Variants in HYOU1 observed in about 807,000 individuals in gnomAD.
HYOU1 encodes hypoxia up-regulated protein 1.
HYOU1 carries 40 observed loss-of-function variants against 120.5 expected under a neutral mutation model. The ratio of observed to expected loss-of-function variants is 0.33; its 90% CI spans 0.26 to 0.43. The LOEUF (loss-of-function observed/expected upper bound fraction) is 0.43. HYOU1 is among the 20% of genes least tolerant of loss of function. HYOU1 has a pLI of 1.00. For synonymous variants in HYOU1, 501 were observed against 479.4 expected (o/e 1.05, Z -0.59); for missense variants, 1,085 against 1,278.3 (o/e 0.85, Z 2.31).
intron 6 of HYOU1, 46 bp from the exon 7 acceptor site, chr11:119,054,721 A>G (rs1203719717): frequency 6.3e-7 from 1 of 1,575,318 alleles, no homozygotes; most frequent in African/African-American, 1.3e-5. Context: ...CATACCTTAG[A>G]TGAGGGCTTC....
chr11:119,055,698 T>C lies in HYOU1; in HGVS notation c.185+52A>G. 10 of 1,540,584 alleles carry C rather than the reference T, an allele frequency of 6.5e-6. No homozygotes were observed. Among genetic ancestry groups the C allele is most frequent in the Non-Finnish European group, 9.0e-6 (10 of 1,112,908 alleles). ...GGCACTATGACTAACACATTCACAC[T>C]TGGAGCCCAGACTCCCTCGTTCCCC... On this transcript the variant is annotated intron_variant, in intron 3 of 25. Transcript: ENST00000617285. The surrounding 1 kb of genome is among the most constrained non-coding windows in gnomAD (Gnocchi z 4.0).
rs2133588394 is a variant in HYOU1, at chr11:119,051,855, T to C, written c.1302A>G (p.Pro434=). 6.2e-7 allele frequency: 1 copy of C among 1,614,080 alleles called. No individual in the cohort carries two copies. Among genetic ancestry groups the C allele is most frequent in the Non-Finnish European group, 8.5e-7 (1 of 1,179,990 alleles). The change falls in exon 12 of 26, where the codon CCA becomes CCG. Residue 434 remains proline (P), a synonymous_variant. Transcript: ENST00000617285. The surrounding 1 kb of genome is among the most constrained non-coding windows in gnomAD (Gnocchi z 4.2). ...AGACCACTGCATCTCGGACGACAAA[T>C]GGCTTCACTTTAAAGGCTTTGCTGA... is the stretch of plus-strand genomic sequence containing the variant. ...AALSKAFKVK[P]FVVRDAVVYP... is the part of the protein sequence containing the mutation.
rs2133544949 is a variant in HYOU1, at chr11:119,045,799, A to G, written c.2920T>C (p.Leu974=). 2 of 1,611,900 alleles carry G rather than the reference A, an allele frequency of 1.2e-6. No individual in the cohort carries two copies. Among genetic ancestry groups the G allele is most frequent in the South Asian group, 2.2e-5 (2 of 90,898 alleles). The change falls in exon 25 of 26, where the codon TTA becomes CTA. Residue 974 remains leucine (L), a synonymous_variant. Transcript: ENST00000617285. ...TCCTCACCTGCTCCAGGACCTCCTA[A>G]CTCCAAAGGCTCAGTGTCTCCTGGC... is the stretch of plus-strand genomic sequence containing the variant. ...SEPGDTEPLE[L]GGPGAEPEQK...
At position 119,045,128 on chromosome 11, in the gene HYOU1, T is replaced by A. The variant is rs1361247065; in HGVS notation, c.*465A>T. ...CAGATAGGCACTCAGAAACCAAACC[T>A]GGTAACTGAGGCTCTGCAGACACTG... On this transcript the variant is annotated 3_prime_UTR_variant, in exon 26 of 26. Transcript: ENST00000617285. 10 of 456,004 alleles carry A rather than the reference T, an allele frequency of 2.2e-5. No individual in the cohort carries two copies. The highest frequency in any genetic ancestry group is 4.0e-5 in the Non-Finnish European group (9 of 226,774). 28.2% of individuals were successfully genotyped at this position (456,004 alleles called of 1,614,324 possible).
intron 2 of HYOU1, 21 bp downstream of exon 2, chr11:119,056,049 T>C (rs1944734953): frequency 6.2e-7 from 1 of 1,601,618 alleles, no homozygotes; most frequent in African/African-American, 1.3e-5. Context: ...ATCCATTTGC[T>C]CCCTCTACTG....
rs1377125040 is a variant in HYOU1 at position 119,052,005 on chromosome 11, T to C, written c.1206-54A>G. 4.3e-6 allele frequency: 7 copies of C among 1,613,054 alleles called. No homozygotes were observed. The Admixed American group carries it at 5.0e-5, about 12-fold the overall frequency. On this transcript the variant is annotated intron_variant, in intron 11 of 25. Coordinates refer to ENST00000617285, the MANE Select transcript of HYOU1 (RefSeq NM_006389.5). The surrounding 1 kb of genome is among the most constrained non-coding windows in gnomAD (Gnocchi z 5.0). Reference sequence around the variant, plus strand: ...CTACCCTGGAGCATGCAACCGGGACTTCCCTCCCCTCAGCCCTCCAGCTGC... The same window carrying C: ...CTACCCTGGAGCATGCAACCGGGACCTCCCTCCCCTCAGCCCTCCAGCTGC...
Position 119,048,116 on chromosome 11 carries a change from G to T in HYOU1, c.2377-36C>A. ...TGCGATTGGGCAGAGGGGTGGAAGG[G>T]ACGACAGCAGAGCCTGGAGTCAGCC... On this transcript the variant is annotated intron_variant, in intron 20 of 25. Transcript: ENST00000617285. The surrounding 1 kb of genome is among the most constrained non-coding windows in gnomAD (Gnocchi z 4.7). 1.2e-6 allele frequency: 2 copies of T among 1,613,282 alleles called. No individual in the cohort carries two copies. The highest frequency in any genetic ancestry group is 1.7e-6 in the Non-Finnish European group (2 of 1,180,028).
At position 119,051,400 on chromosome 11, in the gene HYOU1, C is replaced by G. The variant is rs114743931; in HGVS notation, c.1526+38G>C. ...AGATTATCCAGCAGCCACGCCTCCC[C>G]CTCCCTGGAGCTCCCATCCTACACC... On this transcript the variant is annotated intron_variant, in intron 13 of 25. Transcript: ENST00000617285. The surrounding 1 kb of genome is among the most constrained non-coding windows in gnomAD (Gnocchi z 4.2). 23 of 1,604,664 alleles carry G rather than the reference C, an allele frequency of 1.4e-5. 1 individual carries two copies. In the East Asian group the frequency reaches 3.6e-4, roughly 25 times the overall value.
rs2133591179 is a variant in HYOU1 at position 119,052,201 on chromosome 11, C to G, written c.1123-29G>C. The G allele has an allele frequency of 6.2e-7, 1 of 1,613,866 alleles. No individual in the cohort carries two copies. The highest frequency in any genetic ancestry group is 1.1e-5 in the South Asian group (1 of 91,084). On this transcript the variant is annotated intron_variant, in intron 10 of 25. Transcript: ENST00000617285. This position sits in a 1 kb window ranked among gnomAD's most constrained non-coding sequence, Gnocchi z 5.0. ...CAGTGGGTAAGAATGACAGGTGCAA[C>G]AGCATGCAGTTAGCACTGACTCGTC... is the stretch of plus-strand genomic sequence containing the variant.
rs200570137 is a variant in HYOU1, at chr11:119,052,000, G to A, written c.1206-49C>T. On this transcript the variant is annotated intron_variant, in intron 11 of 25. Coordinates refer to ENST00000617285, the MANE Select transcript of HYOU1 (RefSeq NM_006389.5). The surrounding 1 kb of genome is among the most constrained non-coding windows in gnomAD (Gnocchi z 4.2). ...ACGGTCTACCCTGGAGCATGCAACC[G>A]GGACTTCCCTCCCCTCAGCCCTCCA... 1.0e-3 allele frequency: 1,625 copies of A among 1,613,080 alleles called. 3 individuals carry two copies. The highest frequency in any genetic ancestry group is 9.7e-4 in the Admixed American group (58 of 59,996).
rs1944694573 is a variant in HYOU1, at chr11:119,055,397, CT to C, written c.265-59del. 2.5e-6 allele frequency: 4 copies of C among 1,607,376 alleles called. No individual in the cohort carries two copies. Among genetic ancestry groups the C allele is most frequent in the Non-Finnish European group, 3.4e-6 (4 of 1,174,700 alleles). ...GGCTCCCAAGTCCACCATTACCTACCTCTTACATCACAGAGACTGATAAGGA... is the reference window on the plus strand; with the variant it reads ...GGCTCCCAAGTCCACCATTACCTACCCTTACATCACAGAGACTGATAAGGA... On this transcript the variant is annotated intron_variant, in intron 4 of 25. Transcript: ENST00000617285. The surrounding 1 kb of genome is among the most constrained non-coding windows in gnomAD (Gnocchi z 4.0).
Position 119,044,905 on chromosome 11 carries a change from C to T in HYOU1, c.*688G>A. On this transcript the variant is annotated 3_prime_UTR_variant, in exon 26 of 26. Transcript: ENST00000617285. ...TTCACTGTGCCCCTCCCTCCTCTGG[C>T]CACTAGGGGTGGGAAATACGAGTGA... is the stretch of plus-strand genomic sequence containing the variant. The T allele has an allele frequency of 3.2e-6, 1 of 317,308 alleles. No individual in the cohort carries two copies. Among genetic ancestry groups the T allele is most frequent in the South Asian group, 2.5e-5 (1 of 39,980 alleles). The allele number at this position is 317,308 out of a possible 1,614,324, so 19.7% of individuals were successfully genotyped here.
rs2133588660 is a variant in HYOU1 at position 119,051,891 on chromosome 11, C to T, written c.1266G>A (p.Gln422=). 4,604 of 1,614,172 alleles carry T rather than the reference C, an allele frequency of 2.9e-3. 105 individuals are homozygous for T. The African/African-American group carries it at 0.044, about 16-fold the overall frequency. ...DEAAAMGAVY[Q]AAALSKAFKV... The stretch of plus-strand genomic sequence containing the variant: ...TAAAGGCTTTGCTGAGCGCAGCTGC[C>T]TGGTACACTGCCCCCATGGCGGCTG... Residue 422 remains glutamine, a synonymous_variant, in exon 12 of 26, where the codon CAG becomes CAA. Transcript: ENST00000617285. The surrounding 1 kb of genome is among the most constrained non-coding windows in gnomAD (Gnocchi z 4.2).
At chr11:119,047,116 G>T (rs2133555117) in intron 22 of HYOU1, 21 of 260,316 alleles carry the variant, frequency 8.1e-5, no homozygotes, top group African/African-American at 2.7e-4. Flanking sequence ...GTGCAGTGGC[G>T]CGATCTCGAC....
rs2133592972 is a variant in HYOU1 at position 119,052,444 on chromosome 11, G to A, written c.988-15C>T. On this transcript the variant is annotated splice_polypyrimidine_tract_variant and intron_variant, in intron 9 of 25. Transcript: ENST00000617285. The surrounding 1 kb of genome is among the most constrained non-coding windows in gnomAD (Gnocchi z 5.0). ...AGGCCTTCAATCTGGGAGAGGATGG[G>A]GACTGTCAGGGGGTTCTTGCCCAGC... 1.2e-6 allele frequency: 2 copies of A among 1,614,062 alleles called. No individual in the cohort carries two copies. Among genetic ancestry groups the A allele is most frequent in the South Asian group, 2.2e-5 (2 of 91,074 alleles).
At chr11:119,056,395 T>G (rs1351435010) in intron 1 of HYOU1, 1 of 628,690 alleles carries the variant, frequency 1.6e-6, no homozygotes, top group East Asian at 3.2e-5. Flanking sequence ...GTCCTCGGCT[T>G]TGCCACATCC....
chr11:119,047,684 T>C (rs1244197052), intron 22 of HYOU1, 50 bp downstream of exon 22: 2 of 1,468,548 alleles, frequency 1.4e-6, no homozygotes, highest in Admixed American at 3.3e-5. Context: ...TCTCCCACAG[T>C]ACCTAGGATG....
Position 119,052,267 on chromosome 11 carries a change from G to A in HYOU1, c.1122+28C>T, listed in dbSNP as rs2133591577. On this transcript the variant is annotated intron_variant, in intron 10 of 25. Transcript: ENST00000617285. This position sits in a 1 kb window ranked among gnomAD's most constrained non-coding sequence, Gnocchi z 5.0. ...GGTTTCCTATGCCCTTTCCTACGGG[G>A]CATTCCCGCCTTCCCCTACTCGCTC... 1.9e-6 allele frequency: 3 copies of A among 1,614,124 alleles called. No homozygotes were observed. Among genetic ancestry groups the A allele is most frequent in the Non-Finnish European group, 8.5e-7 (1 of 1,179,990 alleles).
Position 119,047,802 on chromosome 11 carries a change from G to A in HYOU1, c.2527C>T (p.Pro843Ser). 6 of 1,613,916 alleles carry A rather than the reference G, an allele frequency of 3.7e-6. No homozygotes were observed. Among genetic ancestry groups the A allele is most frequent in the Non-Finnish European group, 3.4e-6 (4 of 1,179,978 alleles). ...SMFLKGARLI[P>S]EMDQIFTEVE... The stretch of plus-strand genomic sequence containing the variant: ...TCAGTGAAGATCTGGTCCATCTCTG[G>A]GATGAGCCGGGCCCCCCTGGAAGCC... Residue 843 changes from proline (P) to serine (S), a missense_variant, in exon 22 of 26, where the codon CCA becomes TCA. Pro to Ser is a moderately conservative substitution (Grantham distance 74). Around this residue, in one of 4 missense-constraint regions of HYOU1, gnomAD observed 516 missense variants for 517.1 expected, o/e 1.00. Transcript: ENST00000617285.
Sources: allele counts gnomAD v4.1 joint callset, GRCh38; gene constraint gnomAD v4.1.1; regional missense constraint gnomAD v4.1.1; non-coding constraint Gnocchi (gnomAD v3.1); transcripts MANE v1.5; gene names NCBI Gene and HGNC (gene_info 2026-07-23, HGNC 2026-07-21).